SHROOM3: variants seen among roughly 807,000 people sequenced by gnomAD.
SHROOM3 encodes the protein shroom family member 3, also known as protein Shroom3.
SHROOM3 carries 47 observed loss-of-function variants against 138.6 expected under a neutral mutation model. The ratio of observed to expected loss-of-function variants is 0.34; its 90% CI spans 0.27 to 0.43. The LOEUF (loss-of-function observed/expected upper bound fraction) is 0.43, where lower values mean the gene tolerates loss of function less well. Ranked by LOEUF, SHROOM3 falls within the 20% of genes least tolerant of loss-of-function variation. The pLI is 1.00. For missense variants in SHROOM3, 2,491 were observed against 2,596.5 expected (o/e 0.96, Z 0.88); for synonymous variants, 1,062 against 1,063.3 (o/e 1.00, Z 0.02).
intron 2 of SHROOM3, among the ~76,000 whole-genome samples, chr4:76,674,409 C>A (rs917116763): frequency 6.6e-6 from 1 of 152,116 alleles, no homozygotes; most frequent in Non-Finnish European, 1.5e-5. Context: ...CTTTAGCCAC[C>A]TCTCTGACTC....
chr4:76,616,920 A>G (rs1034262830), intron 2 of SHROOM3, among the ~76,000 whole-genome samples: 4 of 152,258 alleles, frequency 2.6e-5, no homozygotes, highest in Non-Finnish European at 5.9e-5. Flanking sequence ...GTTAACATGG[A>G]ACAGATAGTG....
intron 2 of SHROOM3, among the ~76,000 whole-genome samples, chr4:76,693,645 A>C (rs1264749052): frequency 6.6e-6 from 1 of 151,968 alleles, no homozygotes; most frequent in African/African-American, 2.4e-5. Flanking sequence ...CCAGCCTCCC[A>C]AAGTGCTGGG....
intron 1 of SHROOM3, among the ~76,000 whole-genome samples, chr4:76,487,463 A>G (rs1348179638): frequency 1.3e-5 from 2 of 152,184 alleles, no homozygotes; most frequent in East Asian, 3.8e-4. Flanking sequence ...GCATATATCT[A>G]GGAGTGAAAT....
intron 2 of SHROOM3, among the ~76,000 whole-genome samples, chr4:76,693,370 G>GTTTTTTTCT (rs1553937620): frequency 1.3e-5 from 1 of 79,810 alleles, no homozygotes; most frequent in African/African-American, 5.1e-5. Context: ...TGATAAGTTT[G>GTTTTTTTCT]TTTTTTTTTT....
chr4:76,551,561 G>A (rs889401202), intron 1 of SHROOM3, among the ~76,000 whole-genome samples: 2 of 152,094 alleles, frequency 1.3e-5, no homozygotes, highest in African/African-American at 2.4e-5. Context: ...TTGAATGAAC[G>A]AACCAATATT....
chr4:76,521,879 G>T (rs1732573780), intron 1 of SHROOM3, among the ~76,000 whole-genome samples: 1 of 152,118 alleles, frequency 6.6e-6, no homozygotes, highest in Non-Finnish European at 1.5e-5. Context: ...CAATAATGGG[G>T]ATTGGTAAGC....
At chr4:76,439,943 A>G (rs987534148) in intron 1 of SHROOM3, among the ~76,000 whole-genome samples, 2 of 152,244 alleles carry the variant, frequency 1.3e-5, no homozygotes, top group Non-Finnish European at 2.9e-5. Flanking sequence ...AACTTCAAAA[A>G]GAAAGGGTAA....
At chr4:76,513,004 T>G (rs1732370077) in intron 1 of SHROOM3, among the ~76,000 whole-genome samples, 1 of 152,202 alleles carries the variant, frequency 6.6e-6, no homozygotes. Flanking sequence ...GCTTTGATGC[T>G]TGCACCGTGC....
At chr4:76,524,329 G>C (rs1406124397) in intron 1 of SHROOM3, among the ~76,000 whole-genome samples, 1 of 152,160 alleles carries the variant, frequency 6.6e-6, no homozygotes, top group Non-Finnish European at 1.5e-5. Context: ...ACTGGAGAGA[G>C]GGGAGGCGTA....
intron 10 of SHROOM3, among the ~76,000 whole-genome samples, chr4:76,775,059 G>A (rs6826324): frequency 0.011 from 1,647 of 151,942 alleles, 23 homozygotes; most frequent in African/African-American, 0.038. Context: ...TCCATCACCC[G>A]AGCACTGTAC....
intron 2 of SHROOM3, among the ~76,000 whole-genome samples, chr4:76,612,404 TAGTC>T (rs983074554): frequency 2.6e-5 from 4 of 152,178 alleles, no homozygotes; most frequent in South Asian, 2.1e-4. Context: ...ACTGGTGTGT[TAGTC>T]AGTAAGTTTT....
intron 2 of SHROOM3, among the ~76,000 whole-genome samples, chr4:76,637,911 T>C (rs1735546155): frequency 6.6e-6 from 1 of 152,024 alleles, no homozygotes; most frequent in African/African-American, 2.4e-5. Flanking sequence ...CTCCTAGAGG[T>C]CAGGTCTGGC....
chr4:76,530,265 A>G (rs1732804154), intron 1 of SHROOM3, among the ~76,000 whole-genome samples: 1 of 152,218 alleles, frequency 6.6e-6, no homozygotes, highest in Non-Finnish European at 1.5e-5. Context: ...AACATGTTGG[A>G]TAAACATTGG....
At chr4:76,598,178 C>A (rs1470062322) in intron 2 of SHROOM3, among the ~76,000 whole-genome samples, 1 of 152,072 alleles carries the variant, frequency 6.6e-6, no homozygotes, top group Non-Finnish European at 1.5e-5. Flanking sequence ...AGGCGCCTGC[C>A]ACCACGCCTG....
At chr4:76,634,484 T>C (rs1470441789) in intron 2 of SHROOM3, among the ~76,000 whole-genome samples, 1 of 152,216 alleles carries the variant, frequency 6.6e-6, no homozygotes, top group Non-Finnish European at 1.5e-5. Context: ...AATTAGTCCT[T>C]AGTGTATTGG....
intron 3 of SHROOM3, among the ~76,000 whole-genome samples, chr4:76,721,714 A>G (rs562087380): frequency 6.6e-6 from 1 of 152,324 alleles, no homozygotes; most frequent in African/African-American, 2.4e-5. Context: ...GGGATAGAAC[A>G]GGCCATGAAG....
intron 2 of SHROOM3, chr4:76,689,485 G>A (rs1373303789): frequency 5.1e-6 from 5 of 973,324 alleles, no homozygotes; most frequent in Non-Finnish European, 6.1e-6. Context: ...CGGGATCAGC[G>A]TCCTCCAGCC....
In SHROOM3 at chr4:76,611,848, T is replaced by C. The variant is rs116953516; in HGVS notation, c.323+56085T>C. Among the ~76,000 whole-genome samples, 5 of 152,338 alleles carry C rather than the reference T, an allele frequency of 3.3e-5. No homozygotes were observed. In the East Asian group the frequency reaches 9.6e-4, roughly 29 times the overall value. ...AGCTTCTGGAGTTTCTGGCGAATCA[T>C]ACCTGAAAGGATTATCATCTTCACC... On this transcript the variant is annotated intron_variant, in intron 2 of 10. Transcript: ENST00000296043.
intron 1 of SHROOM3, among the ~76,000 whole-genome samples, chr4:76,464,717 G>A (rs909609772): frequency 2.6e-5 from 4 of 152,202 alleles, no homozygotes; most frequent in Non-Finnish European, 4.4e-5. Context: ...TCTCATGATA[G>A]TGAGTGAATT....
Sources: gnomAD v4.1 joint callset for allele counts (sites outside exome capture counted in the v4.1 genomes callset) on GRCh38, gnomAD v4.1.1 for gene constraint, MANE v1.5 for transcripts, NCBI Gene and HGNC (gene_info 2026-07-23, HGNC 2026-07-21) for gene names.